The following GRM8 variants were observed in gnomAD, a reference collection of about 807,000 sequenced individuals.
The protein encoded by GRM8 is glutamate metabotropic receptor 8.
In GRM8, 47 loss-of-function variants were observed where a neutral mutation model predicts 87.2. The ratio of observed to expected loss-of-function variants is 0.54; its 90% confidence interval spans 0.43 to 0.69. The LOEUF is 0.69. Among genes scored for constraint, GRM8 ranks in the 30% least tolerant of loss-of-function variants. The pLI is 0.00. For synonymous variants in GRM8, 396 were observed against 404.5 expected, an observed-to-expected ratio of 0.98 and a Z score of 0.25; for missense variants, 1,019 against 1,139.2, an observed-to-expected ratio of 0.89 and a Z score of 1.52.
intron 3 of GRM8, among the ~76,000 whole-genome samples, chr7:126,967,247 C>A (rs1178981149): frequency 1.3e-5 from 2 of 151,994 alleles, no homozygotes; most frequent in African/African-American, 4.8e-5. Context: ...CATGGTTAGA[C>A]CAGGAAAGAT....
intron 8 of GRM8, among the ~76,000 whole-genome samples, chr7:126,545,077 C>T (rs1249184963): frequency 6.6e-6 from 1 of 152,212 alleles, no homozygotes; most frequent in Non-Finnish European, 1.5e-5. Context: ...CCCCATCTTT[C>T]ACTCAAGTTC....
intron 6 of GRM8, among the ~76,000 whole-genome samples, chr7:126,807,283 A>G (rs532349664): frequency 6.6e-6 from 1 of 152,290 alleles, no homozygotes; most frequent in African/African-American, 2.4e-5. Flanking sequence ...ACAAAAAAAA[A>G]TATTGAGACC....
intron 7 of GRM8, among the ~76,000 whole-genome samples, chr7:126,619,477 A>C (rs1045409177): frequency 5.3e-5 from 8 of 152,168 alleles, no homozygotes; most frequent in African/African-American, 1.9e-4. Context: ...ACAAACCTGC[A>C]CGTTGTGCAC....
intron 9 of GRM8, among the ~76,000 whole-genome samples, chr7:126,451,231 C>T (rs537160061): frequency 2.6e-5 from 4 of 151,816 alleles, no homozygotes; most frequent in African/African-American, 9.7e-5. Context: ...TCCCAATCTT[C>T]ATCCCTAAAC....
At chr7:126,577,522 T>C (rs1019163766) in intron 8 of GRM8, among the ~76,000 whole-genome samples, 2 of 151,920 alleles carry the variant, frequency 1.3e-5, no homozygotes, top group African/African-American at 2.4e-5. Context: ...TAAAACACTA[T>C]GAAGTTCTAC....
chr7:127,066,542 G>T (rs1046537486), intron 3 of GRM8, among the ~76,000 whole-genome samples: 6 of 151,942 alleles, frequency 3.9e-5, no homozygotes, highest in African/African-American at 1.5e-4. Context: ...ACACATAATT[G>T]TACATATTTA....
At chr7:126,585,777 G>C (rs538124513) in intron 8 of GRM8, among the ~76,000 whole-genome samples, 17 of 152,242 alleles carry the variant, frequency 1.1e-4, no homozygotes, top group Non-Finnish European at 1.5e-5. Context: ...GCACAAGACA[G>C]GGATGCCCTC....
intron 3 of GRM8, among the ~76,000 whole-genome samples, chr7:127,087,139 C>T (rs879570744): frequency 2.0e-5 from 3 of 152,110 alleles, no homozygotes; most frequent in Non-Finnish European, 4.4e-5. Flanking sequence ...GCAGCTGGGG[C>T]AGGAGAAAAA....
At chr7:126,499,488 C>A (rs930808521) in intron 9 of GRM8, among the ~76,000 whole-genome samples, 1 of 151,396 alleles carries the variant, frequency 6.6e-6, no homozygotes, top group Non-Finnish European at 1.5e-5. Context: ...AAAATGACAT[C>A]GGTATGATGA....
At chr7:127,005,110 T>G (rs1309921406) in intron 3 of GRM8, among the ~76,000 whole-genome samples, 1 of 136,112 alleles carries the variant, frequency 7.3e-6, no homozygotes, top group Non-Finnish European at 1.5e-5. Context: ...ACAACTTTAC[T>G]GCTAGGAACT....
chr7:126,902,244 C>T (rs1802160429), intron 6 of GRM8, among the ~76,000 whole-genome samples: 1 of 152,068 alleles, frequency 6.6e-6, no homozygotes, highest in South Asian at 2.1e-4. Context: ...TGTCTGTATT[C>T]CATCAAACCT....
chr7:126,461,950 T>G (rs1472724333), intron 9 of GRM8, among the ~76,000 whole-genome samples: 1 of 151,620 alleles, frequency 6.6e-6, no homozygotes, highest in Non-Finnish European at 1.5e-5. Flanking sequence ...GATGTGAGCA[T>G]TGTTGTCGAG....
chr7:126,475,321 T>C (rs2150572362), intron 9 of GRM8, among the ~76,000 whole-genome samples: 1 of 152,254 alleles, frequency 6.6e-6, no homozygotes, highest in South Asian at 2.1e-4. Context: ...GTTGAATTTC[T>C]ATACACTAAA....
chr7:127,116,237 A>G (rs10252857), intron 2 of GRM8, among the ~76,000 whole-genome samples: 2,690 of 152,304 alleles, frequency 0.018, 73 homozygotes, highest in African/African-American at 0.061. Flanking sequence ...TTAAATTTCC[A>G]TATATTTCAG....
At chr7:126,930,873 T>C (rs957205572) in intron 3 of GRM8, among the ~76,000 whole-genome samples, 1 of 152,218 alleles carries the variant, frequency 6.6e-6, no homozygotes, top group African/African-American at 2.4e-5. Flanking sequence ...GTTCCTGAAC[T>C]CTCTCTTTGT....
At chr7:126,934,762 G>A (rs1409500357) in intron 3 of GRM8, among the ~76,000 whole-genome samples, 2 of 152,150 alleles carry the variant, frequency 1.3e-5, no homozygotes, top group African/African-American at 2.4e-5. Context: ...CTCACAGTTA[G>A]AGCTTAATTT....
In GRM8 at chr7:126,684,238, G is replaced by A. The variant is rs1212079698; in HGVS notation, c.1358-74740C>T. 4.6e-5 allele frequency among the ~76,000 whole-genome samples: 7 copies of A among 152,210 alleles called. No homozygotes were observed. The South Asian group carries it at 1.4e-3, about 32-fold the overall frequency. ...CTGTCTGTTGAAGAGGAAGGCTACT[G>A]TAGTCACAGCAGACTGGGGCTGATG... On this transcript the variant is annotated intron_variant, in intron 7 of 10. Transcript: ENST00000339582.
At chr7:126,717,963 T>C (rs1811938353) in intron 7 of GRM8, among the ~76,000 whole-genome samples, 1 of 152,150 alleles carries the variant, frequency 6.6e-6, no homozygotes, top group Non-Finnish European at 1.5e-5. Flanking sequence ...CCGGGCGTGG[T>C]GGCTCACACC....
At chr7:126,828,944 T>A (rs1795083979) in intron 6 of GRM8, among the ~76,000 whole-genome samples, 2 of 152,224 alleles carry the variant, frequency 1.3e-5, no homozygotes, top group Non-Finnish European at 2.9e-5. Context: ...TATTTCTGCC[T>A]TCATTTCGTT....
Sources: allele counts gnomAD v4.1 joint callset (sites outside exome capture counted in the v4.1 genomes callset), GRCh38; gene constraint gnomAD v4.1.1; transcripts MANE v1.5; gene names NCBI Gene and HGNC (gene_info 2026-07-23, HGNC 2026-07-21).